Variants in GRIK4 observed in about 807,000 individuals in gnomAD.
GRIK4 encodes glutamate receptor ionotropic, kainate 4.
Under a neutral mutation model 104.9 loss-of-function variants are expected in GRIK4, and 40 were observed. That is an observed-to-expected ratio of 0.38 (90% CI 0.30 to 0.50). The LOEUF is 0.50. Among genes scored for constraint, GRIK4 ranks in the 20% least tolerant of loss-of-function variants. The pLI is 0.93. For missense variants in GRIK4, 1,047 were observed against 1,308.1 expected (o/e 0.80, Z 3.08); for synonymous variants, 485 against 524.9 (o/e 0.92, Z 1.04).
intron 3 of GRIK4, among the ~76,000 whole-genome samples, chr11:120,739,767 A>G (rs754721440): frequency 6.6e-6 from 1 of 152,216 alleles, no homozygotes; most frequent in Non-Finnish European, 1.5e-5. Flanking sequence ...GACGATGCTC[A>G]GTGTCAGTAT....
chr11:120,836,564 G>A (rs926297052), intron 7 of GRIK4, among the ~76,000 whole-genome samples: 20 of 152,324 alleles, frequency 1.3e-4, no homozygotes, highest in South Asian at 1.2e-3. Flanking sequence ...CCACTGCAGG[G>A]GTAGGGGGCC....
chr11:120,946,157 C>T (rs759698749), intron 14 of GRIK4, among the ~76,000 whole-genome samples: 119 of 152,300 alleles, frequency 7.8e-4, no homozygotes, highest in Non-Finnish European at 1.4e-3. Flanking sequence ...TTCTATTTGA[C>T]GTTAGAGTAT....
intron 13 of GRIK4, among the ~76,000 whole-genome samples, chr11:120,917,269 A>AAAAAAAAAAAAAAG: frequency 7.2e-6 from 1 of 138,296 alleles, no homozygotes; most frequent in Non-Finnish European, 1.5e-5. Flanking sequence ...AAAAAAAAAA[A>AAAAAAAAAAAAAAG]AAAGAAAGAA....
At chr11:120,615,106 T>A (rs541359929) in intron 1 of GRIK4, among the ~76,000 whole-genome samples, 2 of 152,358 alleles carry the variant, frequency 1.3e-5, no homozygotes, top group African/African-American at 4.8e-5. Context: ...AGGTGCTTTT[T>A]CTGTGTATCT....
In GRIK4 at chr11:120,986,010, C is replaced by A; in HGVS notation, c.2621C>A (p.Pro874His). The change falls in exon 21 of 21, where the codon CCC becomes CAC. Residue 874 changes from proline (P) to histidine (H), a missense_variant. Pro to His is a moderately conservative substitution (Grantham distance 77, BLOSUM62 -2). Coordinates refer to ENST00000527524, the MANE Select transcript of GRIK4 (RefSeq NM_014619.5). Reference protein sequence around the residue: ...RRAAVPPPRPPIPEERRPRGT... With the variant: ...RRAAVPPPRPHIPEERRPRGT... ...GCCGCAGTCCCGCCGCCCCGGCCCC[C>A]CATCCCCGAGGAGCGCCGACCGCGG... is the stretch of plus-strand genomic sequence containing the variant. 1 of 1,529,660 alleles carries A rather than the reference C, an allele frequency of 6.5e-7. No homozygotes were observed. The highest frequency in any genetic ancestry group is 1.8e-4 in the Middle Eastern group (1 of 5,420). The allele number at this position is 1,529,660 out of a possible 1,614,324, so 94.8% of individuals were successfully genotyped here.
At chr11:120,664,565 T>C (rs1286024346) in intron 3 of GRIK4, among the ~76,000 whole-genome samples, 1 of 152,150 alleles carries the variant, frequency 6.6e-6, no homozygotes, top group Non-Finnish European at 1.5e-5. Flanking sequence ...GAACCTAAGG[T>C]CACACAGCTA....
At chr11:120,550,765 G>A (rs61900898) in intron 1 of GRIK4, among the ~76,000 whole-genome samples, 3 of 151,794 alleles carry the variant, frequency 2.0e-5, no homozygotes, top group African/African-American at 7.3e-5. Context: ...CAGTGAGGTG[G>A]TCACTGGTGA....
At chr11:120,611,635 C>T (rs1234737108) in intron 1 of GRIK4, among the ~76,000 whole-genome samples, 1 of 152,226 alleles carries the variant, frequency 6.6e-6, no homozygotes, top group Admixed American at 6.5e-5. Context: ...CATAATCCCT[C>T]ACTGCCCACT....
chr11:120,898,680 G>T (rs773002158), intron 12 of GRIK4, 41 bp downstream of exon 12: 19 of 1,159,974 alleles, frequency 1.6e-5, no homozygotes, highest in Non-Finnish European at 2.1e-5. Flanking sequence ...AGCATCCTGG[G>T]GTGCCTCCCC....
chr11:120,576,818 C>G (rs1255131471), intron 1 of GRIK4, among the ~76,000 whole-genome samples: 1 of 152,074 alleles, frequency 6.6e-6, no homozygotes, highest in Non-Finnish European at 1.5e-5. Context: ...CTATGACCAC[C>G]AGCCTGTGCT....
intron 3 of GRIK4, among the ~76,000 whole-genome samples, chr11:120,763,615 C>T (rs2135444761): frequency 6.6e-6 from 1 of 152,224 alleles, no homozygotes; most frequent in South Asian, 2.1e-4. Flanking sequence ...ATTGCTTTAG[C>T]TTTGTCCCAG....
chr11:120,834,440 G>GAGC (rs1325799403), intron 7 of GRIK4, among the ~76,000 whole-genome samples: 4 of 152,214 alleles, frequency 2.6e-5, no homozygotes, highest in African/African-American at 9.7e-5. Flanking sequence ...ACTGATCAAT[G>GAGC]AGCAGCAAGG....
At chr11:120,564,278 C>G (rs965393358) in intron 1 of GRIK4, among the ~76,000 whole-genome samples, 8 of 152,364 alleles carry the variant, frequency 5.3e-5, no homozygotes, top group African/African-American at 1.9e-4. Flanking sequence ...AGCGCCGGAG[C>G]GCAGCTTCTG....
rs573761835 is a variant in GRIK4 at position 120,772,172 on chromosome 11, A to T, written c.83-30521A>T. On this transcript the variant is annotated intron_variant, in intron 3 of 20. Transcript: ENST00000527524. ...AACAGGTCTAGCGGCCAGAGCCTTGAGTCAGAAGATTATTGTCTTAGTTCA... is the reference window on the plus strand; with the variant it reads ...AACAGGTCTAGCGGCCAGAGCCTTGTGTCAGAAGATTATTGTCTTAGTTCA... 2.6e-5 allele frequency among the ~76,000 whole-genome samples: 4 copies of T among 152,362 alleles called. No individual in the cohort carries two copies. In the South Asian group the frequency reaches 8.3e-4, roughly 32 times the overall value.
intron 3 of GRIK4, among the ~76,000 whole-genome samples, chr11:120,760,485 T>G (rs1162481566): frequency 1.3e-5 from 2 of 151,522 alleles, no homozygotes; most frequent in Non-Finnish European, 2.9e-5. Context: ...CTGGGATACA[T>G]GTGCAGAACG....
chr11:120,656,280 C>T (rs530093721), intron 2 of GRIK4, among the ~76,000 whole-genome samples: 7 of 152,302 alleles, frequency 4.6e-5, no homozygotes, highest in Non-Finnish European at 7.3e-5. Context: ...GAGTGAGAGA[C>T]CTGGTTAGCC....
At chr11:120,931,824 T>A (rs1320200835) in intron 13 of GRIK4, among the ~76,000 whole-genome samples, 2 of 152,190 alleles carry the variant, frequency 1.3e-5, no homozygotes, top group Non-Finnish European at 2.9e-5. Context: ...GACCTTCTGA[T>A]TGCTGTCTGG....
chr11:120,604,864 G>A (rs1485638069), intron 1 of GRIK4, among the ~76,000 whole-genome samples: 1 of 152,184 alleles, frequency 6.6e-6, no homozygotes, highest in Non-Finnish European at 1.5e-5. Flanking sequence ...CTGGAAGTCT[G>A]ATATATATAT....
chr11:120,623,205 T>G (rs1054915692), intron 1 of GRIK4, among the ~76,000 whole-genome samples: 1 of 152,186 alleles, frequency 6.6e-6, no homozygotes, highest in Non-Finnish European at 1.5e-5. Flanking sequence ...TGCAGTGGTG[T>G]GATCATAGCT....
Sources: allele counts gnomAD v4.1 joint callset (sites outside exome capture counted in the v4.1 genomes callset), GRCh38; gene constraint gnomAD v4.1.1; transcripts MANE v1.5; gene names NCBI Gene and HGNC (gene_info 2026-07-23, HGNC 2026-07-21).